RBFOX1: variants seen among roughly 807,000 people sequenced by gnomAD.
The protein encoded by RBFOX1 is RNA binding protein fox-1 homolog 1.
Under a neutral mutation model 57.7 loss-of-function variants are expected in RBFOX1, and 8 were observed. The ratio of observed to expected loss-of-function variants is 0.14; its 90% CI spans 0.08 to 0.25. RBFOX1 has a LOEUF of 0.25. Ranked by LOEUF, RBFOX1 falls within the 10% of genes least tolerant of loss-of-function variation. The pLI, the probability that RBFOX1 is intolerant of heterozygous loss-of-function variation, is 1.00. For missense variants in RBFOX1, 611 were observed against 548.5 expected (o/e 1.11, Z -1.14); for synonymous variants, 326 against 222.4 (o/e 1.47, Z -4.15).
chr16:7,131,740 C>G (rs981932191), intron 4 of RBFOX1, among the ~76,000 whole-genome samples: 1 of 152,000 alleles, frequency 6.6e-6, no homozygotes, highest in Non-Finnish European at 1.5e-5. Flanking sequence ...GGCTCTTGTA[C>G]AAATTGGCCA....
intron 2 of RBFOX1, among the ~76,000 whole-genome samples, chr16:6,411,923 G>T (rs143838920): frequency 6.6e-6 from 1 of 152,074 alleles, no homozygotes; most frequent in Non-Finnish European, 1.5e-5. Context: ...TACGAGGTCA[G>T]GAGTTTGAGA....
chr16:5,268,394 G>A (rs2062915858), intron 1 of RBFOX1, among the ~76,000 whole-genome samples: 1 of 152,184 alleles, frequency 6.6e-6, no homozygotes, highest in South Asian at 2.1e-4. Context: ...TCAACAACAA[G>A]TACAGGAAAG....
intron 1 of RBFOX1, among the ~76,000 whole-genome samples, chr16:6,137,158 G>A (rs532428884): frequency 9.9e-5 from 15 of 152,278 alleles, no homozygotes; most frequent in African/African-American, 2.2e-4. Context: ...CCACAGTTGC[G>A]TACAAATTTT....
intron 1 of RBFOX1, chr16:5,270,894 GAC>G (rs2062987682): frequency 2.4e-6 from 1 of 409,714 alleles, no homozygotes; most frequent in African/African-American, 2.1e-5. Flanking sequence ...CTAGGGACGA[GAC>G]ACATGCTAAA....
chr16:6,685,488 G>A (rs75552743), intron 3 of RBFOX1, among the ~76,000 whole-genome samples: 83 of 132,068 alleles, frequency 6.3e-4, no homozygotes, highest in African/African-American at 2.1e-3. Context: ...GGATTTTGCC[G>A]TGTTCGCCAG....
chr16:7,502,049 T>A (rs1469585498), intron 4 of RBFOX1, among the ~76,000 whole-genome samples: 2 of 152,206 alleles, frequency 1.3e-5, no homozygotes, highest in African/African-American at 4.8e-5. Flanking sequence ...CAATCTCTCC[T>A]AATTTCATTT....
chr16:6,842,035 C>G (rs574518119), intron 3 of RBFOX1, among the ~76,000 whole-genome samples: 1 of 151,448 alleles, frequency 6.6e-6, no homozygotes, highest in South Asian at 2.1e-4. Context: ...CCCAGCTACA[C>G]GGGAGGCTGA....
rs2068691902 is a variant in RBFOX1 at position 7,664,620 on chromosome 16, A to T, written c.891-309A>T. ...TGCTCATGTCTGTCTGGGCCACTTA[A>T]ATCTCAGTCCTCTTTGCATTTCAAA... On this transcript the variant is annotated intron_variant, in intron 12 of 15. Transcript: ENST00000550418. 1.5e-5 allele frequency: 6 copies of T among 392,318 alleles called. 1 individual carries two copies. The South Asian group carries it at 2.6e-4, about 17-fold the overall frequency. The allele number at this position is 392,318 out of a possible 1,614,324, so 24.3% of individuals were successfully genotyped here. A position where few individuals can be genotyped will look rare whatever the true frequency, so the allele number is the denominator to read the frequency against.
chr16:5,799,650 GT>G, intron 3 of RBFOX1, among the ~76,000 whole-genome samples: 1 of 152,176 alleles, frequency 6.6e-6, no homozygotes, highest in East Asian at 1.9e-4. Context: ...AGGCTCATGT[GT>G]TCTGAGTGTG....
At chr16:7,159,262 G>A (rs148562910) in intron 4 of RBFOX1, among the ~76,000 whole-genome samples, 88 of 150,518 alleles carry the variant, frequency 5.8e-4, no homozygotes, top group African/African-American at 2.1e-3. Flanking sequence ...TCTTTTTTCA[G>A]TAGACACCCT....
At chr16:5,684,397 T>A (rs1172303920) in intron 3 of RBFOX1, among the ~76,000 whole-genome samples, 3 of 152,156 alleles carry the variant, frequency 2.0e-5, no homozygotes, top group Non-Finnish European at 2.9e-5. Flanking sequence ...TCACCAGACA[T>A]GACCTAGTTG....
intron 3 of RBFOX1, among the ~76,000 whole-genome samples, chr16:5,708,515 C>G (rs1204465126): frequency 1.3e-5 from 2 of 152,162 alleles, no homozygotes; most frequent in Non-Finnish European, 2.9e-5. Flanking sequence ...TGTCTTCCAT[C>G]TCTTTGATTT....
At chr16:6,107,919 A>G (rs977090939) in intron 1 of RBFOX1, among the ~76,000 whole-genome samples, 1 of 152,168 alleles carries the variant, frequency 6.6e-6, no homozygotes, top group African/African-American at 2.4e-5. Context: ...AGTTTTAGCC[A>G]TGTTTCCTCC....
chr16:5,637,228 C>G (rs572607663), intron 3 of RBFOX1, among the ~76,000 whole-genome samples: 92 of 152,352 alleles, frequency 6.0e-4, no homozygotes, highest in African/African-American at 2.0e-3. Context: ...AGTAGGCTTT[C>G]AAGCAGCCTC....
At chr16:6,309,289 A>G (rs1047880640) in intron 1 of RBFOX1, among the ~76,000 whole-genome samples, 5 of 152,080 alleles carry the variant, frequency 3.3e-5, no homozygotes, top group East Asian at 1.9e-4. Context: ...TTCAAATGCA[A>G]TTTCTCTGAG....
At chr16:5,892,586 A>C (rs1420959659) in intron 4 of RBFOX1, among the ~76,000 whole-genome samples, 4 of 152,182 alleles carry the variant, frequency 2.6e-5, no homozygotes, top group South Asian at 4.1e-4. Context: ...GAGAGGCAAT[A>C]ACCACTTTTT....
At chr16:6,151,239 A>G (rs1001622177) in intron 1 of RBFOX1, among the ~76,000 whole-genome samples, 18 of 152,098 alleles carry the variant, frequency 1.2e-4, no homozygotes, top group African/African-American at 4.1e-4. Flanking sequence ...GAACCCCGCG[A>G]CACCATTTGT....
Position 5,801,033 on chromosome 16 carries a change from G to A in RBFOX1, c.319-66270G>A, listed in dbSNP as rs183194603. Among the ~76,000 whole-genome samples, 4 of 152,228 alleles carry A rather than the reference G, an allele frequency of 2.6e-5. No homozygotes were observed. In the East Asian group the frequency reaches 7.8e-4, roughly 30 times the overall value. On this transcript the variant is annotated intron_variant, in intron 3 of 19. Coordinates refer to the RBFOX1 transcript ENST00000641259. ...GGATCTTCTACCCCAGGAGCCCTCT[G>A]ATCACAGGATTGCCACTTTTGATGA...
chr16:7,655,551 C>A (rs1182563876), intron 12 of RBFOX1, among the ~76,000 whole-genome samples: 1 of 152,114 alleles, frequency 6.6e-6, no homozygotes. Flanking sequence ...CAGCAATGAG[C>A]CCATTTTATG....
Sources: gnomAD v4.1 joint callset for allele counts (sites outside exome capture counted in the v4.1 genomes callset) on GRCh38, gnomAD v4.1.1 for gene constraint, MANE v1.5 for transcripts, NCBI Gene and HGNC (gene_info 2026-07-23, HGNC 2026-07-21) for gene names.